HIVEP3: variants seen among roughly 807,000 people sequenced by gnomAD.
The protein encoded by HIVEP3 is transcription factor HIVEP3.
A neutral mutation model predicts 152.8 loss-of-function variants in HIVEP3; 49 were observed. That is an observed-to-expected ratio of 0.32 (90% confidence interval 0.26 to 0.41). The LOEUF (loss-of-function observed/expected upper bound fraction) is 0.41. Among genes scored for constraint, HIVEP3 ranks in the 10% least tolerant of loss-of-function variants. HIVEP3 has a pLI of 1.00. For missense variants in HIVEP3, 2,790 were observed against 3,103.3 expected (o/e 0.90, Z 2.40); for synonymous variants, 1,269 against 1,289.0 (o/e 0.98, Z 0.33).
At chr1:42,028,125 T>C (rs1303026588) in intron 1 of HIVEP3, among the ~76,000 whole-genome samples, 1 of 152,242 alleles carries the variant, frequency 6.6e-6, no homozygotes, top group Non-Finnish European at 1.5e-5. Context: ...CACTCCTGTC[T>C]CCTGACCAAG....
intron 1 of HIVEP3, among the ~76,000 whole-genome samples, chr1:41,782,972 T>C (rs1055659723): frequency 2.4e-4 from 36 of 152,074 alleles, no homozygotes; most frequent in Middle Eastern, 3.2e-3. Flanking sequence ...CCTTTTCAGA[T>C]CAGCAGCGGG....
At chr1:41,833,846 C>T (rs780278017) in intron 1 of HIVEP3, among the ~76,000 whole-genome samples, 5 of 152,214 alleles carry the variant, frequency 3.3e-5, no homozygotes, top group African/African-American at 7.2e-5. Context: ...AATCCAAGAT[C>T]TGATAAACAC....
chr1:41,814,274 C>T (rs916517597), intron 1 of HIVEP3, among the ~76,000 whole-genome samples: 13 of 152,176 alleles, frequency 8.5e-5, no homozygotes, highest in South Asian at 2.1e-4. Flanking sequence ...ATGACCTCTG[C>T]GCTCACACTG....
chr1:41,979,154 T>C (rs771790950), intron 1 of HIVEP3, among the ~76,000 whole-genome samples: 2 of 152,130 alleles, frequency 1.3e-5, no homozygotes, highest in Non-Finnish European at 2.9e-5. Context: ...GGATCACAAA[T>C]TCTAGGGACC....
chr1:41,999,083 A>T (rs1645412480), intron 1 of HIVEP3, among the ~76,000 whole-genome samples: 1 of 151,584 alleles, frequency 6.6e-6, no homozygotes, highest in African/African-American at 2.4e-5. Flanking sequence ...TTTAGTAGAG[A>T]AGGGGTTTCA....
At chr1:41,534,717 G>A (rs1007635284) in intron 5 of HIVEP3, among the ~76,000 whole-genome samples, 8 of 152,250 alleles carry the variant, frequency 5.3e-5, no homozygotes, top group Admixed American at 5.2e-4. Context: ...CCTGGGGCCT[G>A]TGATCCTCAG....
intron 5 of HIVEP3, among the ~76,000 whole-genome samples, chr1:41,561,863 C>T (rs1644070524): frequency 7.1e-6 from 1 of 140,502 alleles, no homozygotes; most frequent in African/African-American, 2.6e-5. Context: ...AGAGTTGGTG[C>T]AGACTTTTCT....
chr1:42,008,794 A>G (rs1008778505), intron 1 of HIVEP3, among the ~76,000 whole-genome samples: 5 of 152,208 alleles, frequency 3.3e-5, no homozygotes, highest in Non-Finnish European at 5.9e-5. Context: ...TTTCATAATA[A>G]CATCTTCCTT....
intron 1 of HIVEP3, among the ~76,000 whole-genome samples, chr1:41,967,322 C>A (rs963998766): frequency 6.6e-6 from 1 of 152,136 alleles, no homozygotes; most frequent in Non-Finnish European, 1.5e-5. Context: ...TCAGCAAATG[C>A]AAAAGAACTG....
chr1:41,885,357 G>C (rs775840478), intron 1 of HIVEP3, among the ~76,000 whole-genome samples: 1 of 151,956 alleles, frequency 6.6e-6, no homozygotes, highest in Non-Finnish European at 1.5e-5. Flanking sequence ...CACTGTACTC[G>C]AAGTAGATGG....
intron 1 of HIVEP3, among the ~76,000 whole-genome samples, chr1:41,971,133 A>T (rs1645226345): frequency 6.6e-6 from 1 of 152,220 alleles, no homozygotes; most frequent in South Asian, 2.1e-4. Flanking sequence ...GTGGGTCACA[A>T]CACAATGGGA....
At chr1:41,775,751 G>C (rs960799034) in intron 1 of HIVEP3, among the ~76,000 whole-genome samples, 6 of 151,990 alleles carry the variant, frequency 3.9e-5, no homozygotes, top group Admixed American at 3.9e-4. Flanking sequence ...AAAGTGCAGG[G>C]ATTACAGGCA....
At chr1:41,638,487 G>A (rs1293644216) in intron 2 of HIVEP3, among the ~76,000 whole-genome samples, 4 of 152,180 alleles carry the variant, frequency 2.6e-5, no homozygotes, top group African/African-American at 9.7e-5. Flanking sequence ...ATAACTTTTT[G>A]AATGTATTTA....
chr1:41,702,944 CGTTT>C lies in HIVEP3; in HGVS notation c.-800-1953_-800-1950del, dbSNP rs113279534. On this transcript the variant is annotated intron_variant, in intron 1 of 8. Coordinates refer to ENST00000372583, the MANE Select transcript of HIVEP3 (RefSeq NM_024503.5). ...TGCTAGGACCATTCATTCATTCATT[CGTTT>C]ATTCATCACACTGACACCCAATTTT... Among the ~76,000 whole-genome samples the C allele has an allele frequency of 6.5e-3, 992 of 152,324 alleles. 14 individuals are homozygous for C. The highest frequency in any genetic ancestry group is 0.023 in the African/African-American group (954 of 41,572).
intron 5 of HIVEP3, among the ~76,000 whole-genome samples, chr1:41,559,173 C>T (rs1440490171): frequency 1.3e-5 from 2 of 152,164 alleles, no homozygotes; most frequent in African/African-American, 4.8e-5. Flanking sequence ...CTCCTGGCCT[C>T]AGCAGACTCC....
At position 41,584,510 on chromosome 1, in the gene HIVEP3, C is replaced by A; in HGVS notation, c.288G>T (p.Pro96=). The A allele has an allele frequency of 6.2e-7, 1 of 1,614,004 alleles. No individual in the cohort carries two copies. The highest frequency in any genetic ancestry group is 1.3e-5 in the African/African-American group (1 of 74,972). The change falls in exon 4 of 9, where the codon CCG becomes CCT. Residue 96 remains proline, a synonymous_variant. Transcript: ENST00000372583. This position sits in a 1 kb window ranked among gnomAD's most constrained non-coding sequence, Gnocchi z 5.2. ...IEASVHISQL[P]QHPLTPAFMS... The stretch of plus-strand genomic sequence containing the variant: ...TGAATGCTGGTGTCAGAGGGTGCTG[C>A]GGAAGCTGTGAGATGTGGACGGATG...
chr1:41,606,315 A>G (rs1421912956), intron 3 of HIVEP3, among the ~76,000 whole-genome samples: 7 of 151,996 alleles, frequency 4.6e-5, no homozygotes, highest in Non-Finnish European at 1.0e-4. Context: ...ATGAGCAATA[A>G]AATTTGTCCA....
At chr1:41,566,955 T>C (rs1644173544) in intron 5 of HIVEP3, among the ~76,000 whole-genome samples, 1 of 152,132 alleles carries the variant, frequency 6.6e-6, no homozygotes, top group Non-Finnish European at 1.5e-5. Flanking sequence ...AAATTGCATC[T>C]ATACACTGAC....
rs536210089 is a variant in HIVEP3, at chr1:41,894,687, T to G, written c.-801+23726A>C. On this transcript the variant is annotated intron_variant, in intron 1 of 8. Transcript: ENST00000372583. ...ATGAATATACTCTAACACAATGTTT[T>G]CAAATATCGTGGCTCAACAACAATG... 2.0e-5 allele frequency among the ~76,000 whole-genome samples: 3 copies of G among 152,302 alleles called. No individual in the cohort carries two copies. The South Asian group carries it at 6.2e-4, about 32-fold the overall frequency.
Sources: allele counts gnomAD v4.1 joint callset (sites outside exome capture counted in the v4.1 genomes callset), GRCh38; gene constraint gnomAD v4.1.1; non-coding constraint Gnocchi (gnomAD v3.1); transcripts MANE v1.5; gene names NCBI Gene and HGNC (gene_info 2026-07-23, HGNC 2026-07-21).